The following CPSF2 variants were observed in gnomAD, a reference collection of about 807,000 sequenced individuals.
The protein encoded by CPSF2 is cleavage and polyadenylation specificity factor subunit 2.
In CPSF2, 51 loss-of-function variants were observed where a neutral mutation model predicts 84.2. That is an observed-to-expected ratio of 0.61 (90% CI 0.48 to 0.77). CPSF2 has a LOEUF of 0.77. Ranked by LOEUF, CPSF2 falls within the 30% of genes least tolerant of loss-of-function variation. The probability of loss-of-function intolerance (pLI) is 0.00; values close to 1 mark genes in which losing one functional copy is unlikely to be tolerated. For missense variants in CPSF2, 641 were observed against 929.4 expected, an observed-to-expected ratio of 0.69 and a Z score of 4.03; for synonymous variants, 286 against 311.9, an observed-to-expected ratio of 0.92 and a Z score of 0.87.
rs2068772412 is a variant in CPSF2, at chr14:92,121,971, T to C, written c.-251T>C. 1 of 794,294 alleles carries C rather than the reference T, an allele frequency of 1.3e-6. No homozygotes were observed. Among genetic ancestry groups the C allele is most frequent in the Non-Finnish European group, 2.0e-6 (1 of 496,014 alleles). The allele number at this position is 794,294 out of a possible 1,614,324, so 49.2% of individuals were successfully genotyped here. On this transcript the variant is annotated 5_prime_UTR_variant, in exon 1 of 16. Transcript: ENST00000298875. ...CCTGGTTCCTCCTCGTCTCCGCCGC[T>C]AGTCTCCAGCTCCAAAATGGCGGCT...
At chr14:92,154,758 A>G (rs143402742) in intron 10 of CPSF2, among the ~76,000 whole-genome samples, 1 of 152,346 alleles carries the variant, frequency 6.6e-6, no homozygotes, top group East Asian at 1.9e-4. Flanking sequence ...TTGTGCAAAC[A>G]TTAGGATATA....
chr14:92,147,401 G>A (rs887865410), intron 9 of CPSF2, among the ~76,000 whole-genome samples: 4 of 152,198 alleles, frequency 2.6e-5, no homozygotes, highest in African/African-American at 9.6e-5. Flanking sequence ...GGAGTAAGTT[G>A]GAGGTAATAC....
rs1215549314 is a variant in CPSF2 at position 92,156,545 on chromosome 14, T to G, written c.1509T>G (p.Gly503=). ...AAGAAAAAAGCAAATTAGAATCTGG[T>G]TTGACAAATGGAGATGAACCTATGG... ...TEEEKSKLES[G]LTNGDEPMDQ... is the part of the protein sequence containing the mutation. The change falls in exon 12 of 16, where the codon GGT becomes GGG. Residue 503 remains glycine, a synonymous_variant. Transcript: ENST00000298875. 1 of 1,613,268 alleles carries G rather than the reference T, an allele frequency of 6.2e-7. No individual in the cohort carries two copies. Among genetic ancestry groups the G allele is most frequent in the African/African-American group, 1.3e-5 (1 of 75,050 alleles).
At chr14:92,138,211 T>A in intron 6 of CPSF2, 21 bp from the exon 7 acceptor site, 1 of 1,268,092 alleles carries the variant, frequency 7.9e-7, no homozygotes. Context: ...AAAATATTCC[T>A]CTTCTTAAAC....
rs1219172395 is a variant in CPSF2, at chr14:92,134,316, A to C, written c.376A>C (p.Ile126Leu). ...TGATGTGGATGCAGCCTTTGATAAA[A>C]TACAGCAGCTAAAATTCTCTCAGAT... ...LDDVDAAFDK[I>L]QQLKFSQIVN... The change falls in exon 5 of 16, where the codon ATA (isoleucine) becomes CTA (leucine). Residue 126 changes from isoleucine (I) to leucine (L), a missense_variant. Around this residue, in one of 2 missense-constraint regions of CPSF2, gnomAD observed 211 missense variants for 375.7 expected, o/e 0.56. Coordinates refer to ENST00000298875, the MANE Select transcript of CPSF2 (RefSeq NM_017437.3). 1.9e-6 allele frequency: 3 copies of C among 1,613,138 alleles called. No homozygotes were observed. The highest frequency in any genetic ancestry group is 2.5e-6 in the Non-Finnish European group (3 of 1,179,786).
chr14:92,128,632 TGTTAACA>T (rs2068873476), intron 2 of CPSF2, among the ~76,000 whole-genome samples: 1 of 152,110 alleles, frequency 6.6e-6, no homozygotes, highest in Admixed American at 6.5e-5. Context: ...TTGCAAATAA[TGTTAACA>T]GATCATGAAT....
chr14:92,152,049 T>G (rs2141475658), intron 9 of CPSF2, among the ~76,000 whole-genome samples: 1 of 152,224 alleles, frequency 6.6e-6, no homozygotes, highest in African/African-American at 2.4e-5. Flanking sequence ...CCACTATCTT[T>G]TTTTTGCTTT....
rs2069464552 is a variant in CPSF2 at position 92,167,547 on chromosome 14, T to TA, written c.*5804dup. Reference sequence around the variant, plus strand: ...CAGAGTTGGGATTGGAACCAAGTCTTAGAGAATCCATTGTTGCTTCTACAC... The same window carrying TA: ...CAGAGTTGGGATTGGAACCAAGTCTTAAGAGAATCCATTGTTGCTTCTACAC... On this transcript the variant is annotated 3_prime_UTR_variant, in exon 16 of 16. Transcript: ENST00000298875. 2.6e-5 allele frequency: 4 copies of TA among 152,224 alleles called. No individual in the cohort carries two copies. Among genetic ancestry groups the TA allele is most frequent in the South Asian group, 2.1e-4 (1 of 4,830 alleles). The allele number at this position is 152,224 out of a possible 1,614,324, so 9.4% of individuals were successfully genotyped here. A position where few individuals can be genotyped will look rare whatever the true frequency, so the allele number is the denominator to read the frequency against.
At position 92,161,838 on chromosome 14, in the gene CPSF2, C is replaced by G; in HGVS notation, c.*94C>G. On this transcript the variant is annotated 3_prime_UTR_variant, in exon 16 of 16. Coordinates refer to ENST00000298875, the MANE Select transcript of CPSF2 (RefSeq NM_017437.3). ...TTTTGATGTTTTGTTTTGTAACATACAAAAAGAATCTGCCAGAAAAACTTA... is the reference window on the plus strand; with the variant it reads ...TTTTGATGTTTTGTTTTGTAACATAGAAAAAGAATCTGCCAGAAAAACTTA... 1.4e-6 allele frequency: 1 copy of G among 696,150 alleles called. No individual in the cohort carries two copies. Among genetic ancestry groups the G allele is most frequent in the Non-Finnish European group, 2.3e-6 (1 of 429,504 alleles). The allele number at this position is 696,150 out of a possible 1,614,324, so 43.1% of individuals were successfully genotyped here. A position where few individuals can be genotyped will look rare whatever the true frequency, so the allele number is the denominator to read the frequency against.
chr14:92,141,024 A>G (rs2069071670), intron 7 of CPSF2, among the ~76,000 whole-genome samples: 1 of 152,212 alleles, frequency 6.6e-6, no homozygotes, highest in African/African-American at 2.4e-5. Context: ...TAGAGGAAGG[A>G]AATCCATAAA....
chr14:92,125,901 TA>T (rs1300384812), intron 1 of CPSF2, among the ~76,000 whole-genome samples: 1 of 151,410 alleles, frequency 6.6e-6, no homozygotes, highest in Non-Finnish European at 1.5e-5. Flanking sequence ...AATGTCAACT[TA>T]AAAAAAAACT....
At chr14:92,125,763 C>G (rs571038785) in intron 1 of CPSF2, among the ~76,000 whole-genome samples, 8 of 152,152 alleles carry the variant, frequency 5.3e-5, no homozygotes, top group Non-Finnish European at 1.0e-4. Context: ...TCTGAGATGT[C>G]TGGTATTCCT....
intron 3 of CPSF2, among the ~76,000 whole-genome samples, chr14:92,133,377 G>C (rs967438976): frequency 6.6e-6 from 1 of 152,220 alleles, no homozygotes; most frequent in East Asian, 1.9e-4. Context: ...CGGAGATTGC[G>C]TCATTGCACT....
At position 92,167,282 on chromosome 14, in the gene CPSF2, G is replaced by A. The variant is rs900946043; in HGVS notation, c.*5538G>A. The A allele has an allele frequency of 1.3e-5, 2 of 152,008 alleles. No homozygotes were observed. The highest frequency in any genetic ancestry group is 4.8e-5 in the African/African-American group (2 of 41,402). 9.4% of individuals were successfully genotyped at this position (152,008 alleles called of 1,614,324 possible). A position where few individuals can be genotyped will look rare whatever the true frequency, so the allele number is the denominator to read the frequency against. ...CTGCCTCAGCCTCCCAAAGTGCTGG[G>A]ATTACAGTCGTGAGCCACCATACTC... On this transcript the variant is annotated 3_prime_UTR_variant, in exon 16 of 16. Transcript: ENST00000298875.
chr14:92,130,887 T>A lies in CPSF2; in HGVS notation c.-34-64T>A, dbSNP rs532887410. On this transcript the variant is annotated intron_variant, in intron 2 of 15. Transcript: ENST00000298875. ...AAAGATTTGAAATAATTTTAATCAA[T>A]TTGTTTATTATATATGCCAGACTGT... The A allele has an allele frequency of 4.1e-6, 4 of 973,706 alleles. No homozygotes were observed. In the South Asian group the frequency reaches 7.6e-5, roughly 19 times the overall value. 60.3% of individuals were successfully genotyped at this position (973,706 alleles called of 1,614,324 possible). A position where few individuals can be genotyped will look rare whatever the true frequency, so the allele number is the denominator to read the frequency against.
At chr14:92,160,440 A>C (rs1337530524) in intron 14 of CPSF2, among the ~76,000 whole-genome samples, 2 of 152,230 alleles carry the variant, frequency 1.3e-5, no homozygotes, top group Non-Finnish European at 2.9e-5. Context: ...AAAACTATGA[A>C]TCCTACATGC....
chr14:92,143,307 A>G lies in CPSF2; in HGVS notation c.1140+13A>G. On this transcript the variant is annotated intron_variant, in intron 9 of 15. Transcript: ENST00000298875. ...TACAGAAATAGAGGTAAGCACTTGT[A>G]TGTGAACTTTATCTTAAAACTGTTT... 4 of 1,538,918 alleles carry G rather than the reference A, an allele frequency of 2.6e-6. No individual in the cohort carries two copies. The highest frequency in any genetic ancestry group is 3.6e-6 in the Non-Finnish European group (4 of 1,126,678).
intron 1 of CPSF2, 177 bp downstream of exon 1, chr14:92,122,305 G>T (rs1408153453): frequency 4.6e-6 from 1 of 215,972 alleles, no homozygotes; most frequent in Non-Finnish European, 9.6e-6. Context: ...GGAAAGAGAA[G>T]TGACTTCTCC....
chr14:92,152,952 T>G (rs2069240495), intron 9 of CPSF2, among the ~76,000 whole-genome samples: 1 of 152,036 alleles, frequency 6.6e-6, no homozygotes. Context: ...TTTGTCCAGT[T>G]TTTTACTACT....
Sources: allele counts gnomAD v4.1 joint callset (sites outside exome capture counted in the v4.1 genomes callset), GRCh38; gene constraint gnomAD v4.1.1; regional missense constraint gnomAD v4.1.1; transcripts MANE v1.5; gene names NCBI Gene and HGNC (gene_info 2026-07-23, HGNC 2026-07-21).